The following DPP6 variants were observed in gnomAD, a reference collection of about 807,000 sequenced individuals.
DPP6 encodes A-type potassium channel modulatory protein DPP6.
Under a neutral mutation model 122.6 loss-of-function variants are expected in DPP6, and 69 were observed. That is an observed-to-expected ratio of 0.56 (90% CI 0.46 to 0.69). The LOEUF (loss-of-function observed/expected upper bound fraction) is 0.69, where lower values mean the gene tolerates loss of function less well. Ranked by LOEUF, DPP6 falls within the 30% of genes least tolerant of loss-of-function variation. DPP6 has a pLI of 0.00. For missense variants in DPP6, 928 were observed against 1,116.9 expected (o/e 0.83, Z 2.41); for synonymous variants, 418 against 433.1 (o/e 0.97, Z 0.43).
At chr7:154,461,984 A>T (rs1339835728) in intron 2 of DPP6, among the ~76,000 whole-genome samples, 1 of 151,874 alleles carries the variant, frequency 6.6e-6, no homozygotes. Flanking sequence ...AAGTAGTTTC[A>T]TTGTTTGAGG....
chr7:154,702,081 A>T (rs1427340105), intron 7 of DPP6, among the ~76,000 whole-genome samples: 3 of 152,124 alleles, frequency 2.0e-5, no homozygotes, highest in African/African-American at 7.2e-5. Flanking sequence ...TATATCTGTT[A>T]TGGTTATCTG....
At chr7:154,804,247 A>T (rs1163389387) in intron 14 of DPP6, among the ~76,000 whole-genome samples, 1 of 152,230 alleles carries the variant, frequency 6.6e-6, no homozygotes. Context: ...TTGAGTTTTT[A>T]CTAGTCCAGG....
intron 3 of DPP6, among the ~76,000 whole-genome samples, chr7:154,503,537 A>G (rs1407092325): frequency 6.6e-6 from 1 of 152,238 alleles, no homozygotes; most frequent in Admixed American, 6.5e-5. Flanking sequence ...GACATTAAAG[A>G]ATACAACTTT....
Position 154,676,161 on chromosome 7 carries a change from C to G in DPP6, c.762+6720C>G, listed in dbSNP as rs113809570. Among the ~76,000 whole-genome samples, 422 of 125,336 alleles carry G rather than the reference C, an allele frequency of 3.4e-3. 6 individuals carry two copies. The highest frequency in any genetic ancestry group is 8.9e-3 in the Middle Eastern group (2 of 224). The allele number at this position is 125,336 out of a possible 152,430, so 82.2% of individuals were successfully genotyped here. On this transcript the variant is annotated intron_variant, in intron 7 of 25. Coordinates refer to ENST00000377770, the MANE Select transcript of DPP6 (RefSeq NM_130797.4). The stretch of plus-strand genomic sequence containing the variant: ...TCCAGCTGTCCTAACCATGTGACCT[C>G]CTACACAGGTGTTCCGGGCTACAGC...
At chr7:154,487,166 T>C (rs1232705366) in intron 3 of DPP6, among the ~76,000 whole-genome samples, 1 of 152,192 alleles carries the variant, frequency 6.6e-6, no homozygotes, top group African/African-American at 2.4e-5. Flanking sequence ...TTTAGGGAAA[T>C]AAATATTTGA....
the DPP6 span, among the ~76,000 whole-genome samples, chr7:153,774,786 A>G: frequency 1.3e-5 from 2 of 152,060 alleles, no homozygotes; most frequent in East Asian, 3.9e-4. Flanking sequence ...GCAACAGAGC[A>G]AGACGTCGTT....
At chr7:154,454,563 G>T (rs1276857655) in intron 2 of DPP6, among the ~76,000 whole-genome samples, 1 of 152,116 alleles carries the variant, frequency 6.6e-6, no homozygotes, top group Non-Finnish European at 1.5e-5. Flanking sequence ...AGCCCTCGGG[G>T]GACAGAGGAC....
At chr7:153,842,197 G>T in the DPP6 span, among the ~76,000 whole-genome samples, 2 of 152,176 alleles carry the variant, frequency 1.3e-5, no homozygotes, top group Non-Finnish European at 2.9e-5. Context: ...TGCAGTCCAA[G>T]AAGCATTATT....
At chr7:154,021,767 T>C (rs1798710656) in intron 1 of DPP6, among the ~76,000 whole-genome samples, 1 of 152,158 alleles carries the variant, frequency 6.6e-6, no homozygotes, top group Non-Finnish European at 1.5e-5. Flanking sequence ...TCAGCCTCAG[T>C]CTCCTATGGT....
At chr7:154,317,538 A>G (rs1488809412) in intron 1 of DPP6, among the ~76,000 whole-genome samples, 2 of 152,214 alleles carry the variant, frequency 1.3e-5, no homozygotes, top group African/African-American at 2.4e-5. Context: ...TCTTTCACCT[A>G]GTTCTATAGT....
intron 1 of DPP6, among the ~76,000 whole-genome samples, chr7:154,234,020 G>A (rs1282409026): frequency 6.6e-6 from 1 of 152,120 alleles, no homozygotes; most frequent in Non-Finnish European, 1.5e-5. Flanking sequence ...TAGAAAAGGA[G>A]AATCATATTT....
the DPP6 span, among the ~76,000 whole-genome samples, chr7:153,763,995 A>C: frequency 6.6e-6 from 1 of 152,172 alleles, no homozygotes; most frequent in Non-Finnish European, 1.5e-5. Context: ...TCCAGGAACA[A>C]TCATAAAACA....
At position 154,760,802 on chromosome 7, in the gene DPP6, C is replaced by G. The variant is rs539004186; in HGVS notation, c.884-8615C>G. Among the ~76,000 whole-genome samples, 6 of 151,490 alleles carry G rather than the reference C, an allele frequency of 4.0e-5. No homozygotes were observed. Among genetic ancestry groups the G allele is most frequent in the Non-Finnish European group, 8.8e-5 (6 of 67,954 alleles). ...CAAAACAAAAAGAAGGGTAAAGGAG[C>G]CTGGCATACTGGCTCAGCCTTCCTC... On this transcript the variant is annotated intron_variant, in intron 8 of 25. Transcript: ENST00000377770. The surrounding 1 kb of genome is among the most constrained non-coding windows in gnomAD (Gnocchi z 4.5).
chr7:153,865,647 T>G, the DPP6 span, among the ~76,000 whole-genome samples: 1 of 152,220 alleles, frequency 6.6e-6, no homozygotes, highest in Non-Finnish European at 1.5e-5. Flanking sequence ...AAATAGTGTA[T>G]TTTTTAAATT....
intron 3 of DPP6, among the ~76,000 whole-genome samples, chr7:154,533,649 C>G (rs1828018547): frequency 6.6e-6 from 1 of 152,056 alleles, no homozygotes; most frequent in Non-Finnish European, 1.5e-5. Flanking sequence ...AGAATTAAGA[C>G]CAATATCCTT....
chr7:153,969,927 C>T (rs1439470264), intron 1 of DPP6, among the ~76,000 whole-genome samples: 6 of 151,940 alleles, frequency 3.9e-5, no homozygotes, highest in South Asian at 2.1e-4. Context: ...TAAATGGAAT[C>T]ATGGAGTACC....
chr7:153,792,954 G>A, the DPP6 span, among the ~76,000 whole-genome samples: 1 of 152,208 alleles, frequency 6.6e-6, no homozygotes, highest in East Asian at 1.9e-4. Flanking sequence ...CGCCATGTAA[G>A]AAGTGACTTT....
intron 8 of DPP6, among the ~76,000 whole-genome samples, chr7:154,729,788 A>G (rs1842247239): frequency 6.6e-6 from 1 of 152,202 alleles, no homozygotes; most frequent in Non-Finnish European, 1.5e-5. Flanking sequence ...AGCATGCTGA[A>G]GAGTCCAGTT....
At chr7:153,788,984 A>C in the DPP6 span, among the ~76,000 whole-genome samples, 1 of 150,702 alleles carries the variant, frequency 6.6e-6, no homozygotes, top group African/African-American at 2.4e-5. Context: ...AAAAAAAAGT[A>C]TTCCTGTTTG....
Sources: gnomAD v4.1 joint callset for allele counts (sites outside exome capture counted in the v4.1 genomes callset) on GRCh38, gnomAD v4.1.1 for gene constraint, Gnocchi (gnomAD v3.1) non-coding constraint, MANE v1.5 for transcripts, NCBI Gene and HGNC (gene_info 2026-07-23, HGNC 2026-07-21) for gene names.